CD5: variants seen among roughly 807,000 people sequenced by gnomAD.
The protein encoded by CD5 is CD5 molecule, also known as T-cell surface glycoprotein CD5.
Under a neutral mutation model 60.3 loss-of-function variants are expected in CD5, and 36 were observed. That is an observed-to-expected ratio of 0.60 (90% CI 0.46 to 0.79). The LOEUF is 0.79. Ranked by LOEUF, CD5 falls within the 30% of genes least tolerant of loss-of-function variation. The pLI is 0.00. For synonymous variants in CD5, 230 were observed against 257.6 expected (o/e 0.89, Z 1.03); for missense variants, 540 against 630.6 (o/e 0.86, Z 1.54).
In CD5 at chr11:61,119,571, C is replaced by T. The variant is rs759533294; in HGVS notation, c.801C>T (p.Cys267=). Residue 267 remains cysteine (C), a synonymous_variant, in exon 5 of 11, where the codon TGC becomes TGT. Transcript: ENST00000347785. ...QKSGRVLALL[C]SGFQPKVQSR... is the part of the protein sequence containing the mutation. Reference sequence around the variant, plus strand: ...GTGGCCGAGTTCTTGCCCTCCTTTGCTCAGGTAAGTGAGACCTGGCCAAGC... The same window carrying T: ...GTGGCCGAGTTCTTGCCCTCCTTTGTTCAGGTAAGTGAGACCTGGCCAAGC... 1.2e-6 allele frequency: 2 copies of T among 1,605,874 alleles called. No individual in the cohort carries two copies. The highest frequency in any genetic ancestry group is 1.1e-5 in the South Asian group (1 of 90,174).
intron 8 of CD5, 120 bp from the exon 9 acceptor site, chr11:61,124,912 G>T (rs1861122840): frequency 1.7e-6 from 2 of 1,148,900 alleles, no homozygotes; most frequent in Non-Finnish European, 2.5e-6. Context: ...GGCTGTGGGT[G>T]CCTTTGTCCT....
At chr11:61,103,841 T>TG (rs1455514753) in intron 1 of CD5, among the ~76,000 whole-genome samples, 1 of 106,140 alleles carries the variant, frequency 9.4e-6, no homozygotes, top group African/African-American at 4.0e-5. Context: ...GAGTACTGTG[T>TG]GGGGGGGAAT....
Position 61,119,378 on chromosome 11 carries a change from A to T in CD5, c.608A>T (p.Asn203Ile). 2 of 1,613,992 alleles carry T rather than the reference A, an allele frequency of 1.2e-6. No homozygotes were observed. Among genetic ancestry groups the T allele is most frequent in the Non-Finnish European group, 1.7e-6 (2 of 1,179,992 alleles). Reference sequence around the variant, plus strand: ...GACCTGGAGAACTTCCTCTGCAACAACCTCCAGTGTGGCTCCTTCTTGAAG... The same window carrying T: ...GACCTGGAGAACTTCCTCTGCAACATCCTCCAGTGTGGCTCCTTCTTGAAG... Reference protein sequence around the residue: ...TQDLENFLCNNLQCGSFLKHL... With the variant: ...TQDLENFLCNILQCGSFLKHL... Residue 203 changes from asparagine (N) to isoleucine (I), a missense_variant, in exon 5 of 11, where the codon AAC becomes ATC. Coordinates refer to ENST00000347785, the MANE Select transcript of CD5 (RefSeq NM_014207.4).
At chr11:61,122,408 TGGATGGATG>T (rs1430037380) in intron 6 of CD5, among the ~76,000 whole-genome samples, 3 of 145,460 alleles carry the variant, frequency 2.1e-5, no homozygotes, top group African/African-American at 5.2e-5. Flanking sequence ...GATGGATGGA[TGGATGGATG>T]GATCAGTGGG....
At chr11:61,122,557 C>T (rs568201645) in intron 6 of CD5, among the ~76,000 whole-genome samples, 161 of 152,094 alleles carry the variant, frequency 1.1e-3, no homozygotes, top group African/African-American at 3.6e-3. Flanking sequence ...AGAATAGAGG[C>T]CCCGCTGGCT....
chr11:61,104,586 G>C (rs1009831435), intron 1 of CD5, among the ~76,000 whole-genome samples: 1 of 152,212 alleles, frequency 6.6e-6, no homozygotes, highest in Non-Finnish European at 1.5e-5. Flanking sequence ...AAGACTTGGA[G>C]GTAGCCCCTT....
chr11:61,123,972 C>T, intron 8 of CD5, 35 bp downstream of exon 8: 1 of 1,561,270 alleles, frequency 6.4e-7, no homozygotes, highest in African/African-American at 1.4e-5. Flanking sequence ...CTCCCTCAGG[C>T]CCTGGACAGA....
chr11:61,102,440 T>TGCCCC, upstream of CD5: 1 of 507,684 alleles, frequency 2.0e-6, no homozygotes, highest in East Asian at 4.2e-5. Context: ...CTGCTCCCCG[T>TGCCCC]CCCACCCCTC....
rs749553577 is a variant in CD5 at position 61,102,565 on chromosome 11, C to T, written c.5C>T (p.Pro2Leu). ...GGCAAGAGAAGGCCAGAAACCATGC[C>T]CATGGGGTCTCTGCAACCGCTGGCC... M[P>L]MGSLQPLATL... is the part of the protein sequence containing the mutation. The change falls in exon 1 of 11, where the codon CCC (proline) becomes CTC (leucine). Residue 2 changes from proline (P) to leucine (L), a missense_variant. Pro to Leu is a moderately conservative substitution (Grantham distance 98). Transcript: ENST00000347785. 3 of 1,586,076 alleles carry T rather than the reference C, an allele frequency of 1.9e-6. No individual in the cohort carries two copies. Among genetic ancestry groups the T allele is most frequent in the Non-Finnish European group, 1.7e-6 (2 of 1,165,384 alleles).
intron 1 of CD5, among the ~76,000 whole-genome samples, chr11:61,112,909 G>C (rs912899739): frequency 3.3e-5 from 5 of 152,198 alleles, no homozygotes; most frequent in African/African-American, 1.2e-4. Context: ...CCGCCAGCTT[G>C]AGAACACTCA....
In CD5 at chr11:61,122,990, G is replaced by A. The variant is rs765259650; in HGVS notation, c.1183G>A (p.Val395Ile). 4 of 1,613,930 alleles carry A rather than the reference G, an allele frequency of 2.5e-6. No individual in the cohort carries two copies. Among genetic ancestry groups the A allele is most frequent in the East Asian group, 2.2e-5 (1 of 44,886 alleles). Residue 395 changes from valine to isoleucine, a missense_variant, in exon 7 of 11, where the codon GTC becomes ATC. By Grantham distance (29) the Val-to-Ile change is conservative. Coordinates refer to ENST00000347785, the MANE Select transcript of CD5 (RefSeq NM_014207.4). ...LALVLLVVLL[V>I]VCGPLAYKKL... ...CCTGGTGCTCCTGGTGGTGCTGCTG[G>A]TCGTGTGCGGCCCCCTTGCCTACAA...
intron 2 of CD5, among the ~76,000 whole-genome samples, chr11:61,116,485 AC>A (rs1367337258): frequency 8.8e-6 from 1 of 114,066 alleles, no homozygotes; most frequent in Non-Finnish European, 1.8e-5. Context: ...CCACATACAC[AC>A]CCCACACACA....
At chr11:61,124,892 G>A in intron 8 of CD5, 140 bp from the exon 9 acceptor site, 1 of 842,036 alleles carries the variant, frequency 1.2e-6, no homozygotes, top group Non-Finnish European at 1.9e-6. Flanking sequence ...AGAGGGGGAT[G>A]CATTGAAGGG....
chr11:61,102,155 T>C (rs1860702833), upstream of CD5, among the ~76,000 whole-genome samples: 1 of 152,124 alleles, frequency 6.6e-6, no homozygotes, highest in Non-Finnish European at 1.5e-5. Flanking sequence ...GACCCCTGCC[T>C]CAGGGACGCC....
Position 61,119,335 on chromosome 11 carries a change from G to GCCCAGGACAAGA in CD5, c.574_585dup (p.Lys192_Asp195dup). The GCCCAGGACAAGA allele has an allele frequency of 6.2e-7, 1 of 1,614,088 alleles. No homozygotes were observed. The highest frequency in any genetic ancestry group is 1.1e-5 in the South Asian group (1 of 91,082). The stretch of plus-strand genomic sequence containing the variant: ...CCTGGGGGGTACCATCAGCTATGAG[G>GCCCAGGACAAGA]CCCAGGACAAGACCCAGGACCTGGA... On this transcript the variant is annotated inframe_insertion, in exon 5 of 11. Coordinates refer to ENST00000347785, the MANE Select transcript of CD5 (RefSeq NM_014207.4).
At chr11:61,123,831 C>A in intron 7 of CD5, 53 bp from the exon 8 acceptor site, 1 of 984,818 alleles carries the variant, frequency 1.0e-6, no homozygotes, top group African/African-American at 1.6e-5. Context: ...CTGCCTGCCC[C>A]CACCCATACC....
chr11:61,109,343 C>G (rs1010709749), intron 1 of CD5, among the ~76,000 whole-genome samples: 5 of 152,204 alleles, frequency 3.3e-5, no homozygotes, highest in Admixed American at 2.0e-4. Flanking sequence ...CCAGGTCTCT[C>G]CACACACATG....
upstream of CD5, among the ~76,000 whole-genome samples, chr11:61,100,859 A>G (rs1160281440): frequency 6.9e-6 from 1 of 145,312 alleles, no homozygotes; most frequent in Admixed American, 6.8e-5. Flanking sequence ...ACATTCACAC[A>G]CATCAACATG....
At chr11:61,113,405 A>G (rs1860887392) in intron 1 of CD5, among the ~76,000 whole-genome samples, 1 of 152,220 alleles carries the variant, frequency 6.6e-6, no homozygotes, top group Non-Finnish European at 1.5e-5. Context: ...AGACCAGGCT[A>G]CAAGGAGGCA....
Sources: gnomAD v4.1 joint callset for allele counts (sites outside exome capture counted in the v4.1 genomes callset) on GRCh38, gnomAD v4.1.1 for gene constraint, MANE v1.5 for transcripts, NCBI Gene and HGNC (gene_info 2026-07-23, HGNC 2026-07-21) for gene names.